Variants in SVIL observed in about 807,000 individuals in gnomAD.
SVIL encodes supervillin.
Under a neutral mutation model 240.4 loss-of-function variants are expected in SVIL, and 101 were observed. The observed-to-expected ratio is 0.42, with a 90% CI of 0.36 to 0.50. SVIL has a LOEUF of 0.50. Ranked by LOEUF, SVIL falls within the 20% of genes least tolerant of loss-of-function variation. The pLI is 0.01. For missense variants in SVIL, 2,512 were observed against 2,818.7 expected (o/e 0.89, Z 2.46); for synonymous variants, 999 against 1,100.0 (o/e 0.91, Z 1.82).
chr10:29,647,624 G>GGGGTGTGTGTGTGTGTGTGTGTGTGTGT (rs148132418), intron 3 of SVIL, among the ~76,000 whole-genome samples: 1 of 151,566 alleles, frequency 6.6e-6, no homozygotes, highest in Non-Finnish European at 1.5e-5. Flanking sequence ...TGCAAATATA[G>GGGGTGTGTGTGTGTGTGTGTGTGTGTGT]GTGTGTGTGT....
chr10:29,530,435 C>G (rs1355415563), intron 11 of SVIL, among the ~76,000 whole-genome samples, 172 bp downstream of exon 11: 1 of 152,100 alleles, frequency 6.6e-6, no homozygotes, highest in African/African-American at 2.4e-5. Context: ...CACAAGATTC[C>G]CCCTCCCTAA....
chr10:29,685,683 T>A (rs1398768993), intron 2 of SVIL, among the ~76,000 whole-genome samples: 1 of 152,228 alleles, frequency 6.6e-6, no homozygotes, highest in Non-Finnish European at 1.5e-5. Context: ...ATGCTGAGCA[T>A]TTTTTTACAT....
In SVIL at chr10:29,649,780, G is replaced by A. The variant is rs952624238; in HGVS notation, c.-201+8189C>T. Among the ~76,000 whole-genome samples, 12 of 152,146 alleles carry A rather than the reference G, an allele frequency of 7.9e-5. No individual in the cohort carries two copies. In the Middle Eastern group the frequency reaches 9.5e-3, roughly 120 times the overall value. On this transcript the variant is annotated intron_variant, in intron 3 of 35. Coordinates refer to the SVIL transcript ENST00000375400. Reference sequence around the variant, plus strand: ...AATATGATTGCTATGGTTTGAATGCGTCCCCCAGAGTTCATGTGCTGGGAA... The same window carrying A: ...AATATGATTGCTATGGTTTGAATGCATCCCCCAGAGTTCATGTGCTGGGAA...
intron 2 of SVIL, among the ~76,000 whole-genome samples, chr10:29,672,942 C>T (rs1589488922): frequency 6.6e-6 from 1 of 152,140 alleles, no homozygotes; most frequent in East Asian, 1.9e-4. Flanking sequence ...GAGACAGAGT[C>T]TCACTCTGTT....
chr10:29,508,027 C>T (rs2132470339), intron 17 of SVIL: 1 of 204,388 alleles, frequency 4.9e-6, no homozygotes. Flanking sequence ...ATACCTGAGT[C>T]AGCTTTGTGC....
chr10:29,529,289 A>G (rs192378110), intron 12 of SVIL, among the ~76,000 whole-genome samples: 58 of 152,142 alleles, frequency 3.8e-4, no homozygotes, highest in Non-Finnish European at 6.0e-4. Context: ...TATGGATGAA[A>G]TGGTAAGACC....
At chr10:29,489,631 T>C (rs1435394605) in intron 22 of SVIL, among the ~76,000 whole-genome samples, 1 of 152,188 alleles carries the variant, frequency 6.6e-6, no homozygotes, top group Non-Finnish European at 1.5e-5. Flanking sequence ...CACTGCAGCC[T>C]TGACCTCCCG....
chr10:29,689,147 G>C (rs1961306469), intron 1 of SVIL, among the ~76,000 whole-genome samples: 2 of 152,136 alleles, frequency 1.3e-5, no homozygotes, highest in Non-Finnish European at 2.9e-5. Context: ...GAGTAGAAGG[G>C]ACCTTAGCTC....
chr10:29,534,886 G>C (rs1951632099), intron 7 of SVIL, among the ~76,000 whole-genome samples: 1 of 152,158 alleles, frequency 6.6e-6, no homozygotes, highest in African/African-American at 2.4e-5. Flanking sequence ...CCATGTAGTG[G>C]GAAAGGAGAC....
chr10:29,700,593 C>T (rs967363385), intron 1 of SVIL, among the ~76,000 whole-genome samples: 1 of 151,362 alleles, frequency 6.6e-6, no homozygotes, highest in Non-Finnish European at 1.5e-5. Flanking sequence ...GCCTCAGCCT[C>T]CTGAGTAGCT....
chr10:29,536,130 C>A, intron 6 of SVIL, 61 bp from the exon 7 acceptor site: 1 of 1,496,414 alleles, frequency 6.7e-7, no homozygotes, highest in Non-Finnish European at 9.3e-7. Flanking sequence ...TATACACAGA[C>A]TTTACCATAA....
At chr10:29,734,626 C>T (rs962244770) in intron 1 of SVIL, among the ~76,000 whole-genome samples, 1 of 152,136 alleles carries the variant, frequency 6.6e-6, no homozygotes, top group East Asian at 1.9e-4. Context: ...CCCTTTCCTT[C>T]CAACAGAAGA....
chr10:29,667,076 G>A (rs993500405), intron 2 of SVIL, among the ~76,000 whole-genome samples: 2 of 152,062 alleles, frequency 1.3e-5, no homozygotes, highest in Non-Finnish European at 2.9e-5. Context: ...AGCCTAGCAG[G>A]TGTTTCTTCT....
At chr10:29,649,803 G>T (rs980187022) in intron 3 of SVIL, among the ~76,000 whole-genome samples, 1 of 152,172 alleles carries the variant, frequency 6.6e-6, no homozygotes, top group Admixed American at 6.5e-5. Context: ...CATGTGCTGG[G>T]AACTTAATCC....
At chr10:29,605,964 G>T (rs1957004821) in intron 1 of SVIL, among the ~76,000 whole-genome samples, 1 of 151,940 alleles carries the variant, frequency 6.6e-6, no homozygotes, top group South Asian at 2.1e-4. Context: ...AGGCTGGAGT[G>T]CAGTAGTGCC....
chr10:29,458,356 C>T, intron 37 of SVIL, 23 bp from the exon 38 acceptor site: 1 of 1,613,380 alleles, frequency 6.2e-7, no homozygotes, highest in South Asian at 1.1e-5. Context: ...GGAGAAGCGC[C>T]CCGCGGCTCA....
intron 1 of SVIL, among the ~76,000 whole-genome samples, chr10:29,727,586 C>A (rs542442321): frequency 6.6e-6 from 1 of 152,092 alleles, no homozygotes; most frequent in Non-Finnish European, 1.5e-5. Flanking sequence ...AATAGCCAAA[C>A]CACCTGGGAT....
intron 1 of SVIL, among the ~76,000 whole-genome samples, chr10:29,577,101 G>A (rs1409305334): frequency 2.6e-5 from 4 of 152,062 alleles, no homozygotes; most frequent in Non-Finnish European, 4.4e-5. Context: ...GGAGGGTCTC[G>A]ATCTCCTGAC....
chr10:29,587,934 T>C (rs1263271717), intron 1 of SVIL, among the ~76,000 whole-genome samples: 1 of 152,212 alleles, frequency 6.6e-6, no homozygotes, highest in Non-Finnish European at 1.5e-5. Context: ...ATATTCATTA[T>C]TTTTAATTCT....
Sources: allele counts gnomAD v4.1 joint callset (sites outside exome capture counted in the v4.1 genomes callset), GRCh38; gene constraint gnomAD v4.1.1; transcripts MANE v1.5; gene names NCBI Gene and HGNC (gene_info 2026-07-23, HGNC 2026-07-21).